Variants in LGR6 observed in about 807,000 individuals in gnomAD.
LGR6 encodes the protein leucine rich repeat containing G protein-coupled receptor 6, also known as leucine-rich repeat-containing G protein-coupled receptor 6.
In LGR6, 45 loss-of-function variants were observed where a neutral mutation model predicts 69.4. The ratio of observed to expected loss-of-function variants is 0.65; its 90% CI spans 0.51 to 0.83. The LOEUF (loss-of-function observed/expected upper bound fraction) is 0.83. Among genes scored for constraint, LGR6 ranks in the 40% least tolerant of loss-of-function variants. The probability of loss-of-function intolerance (pLI) is 0.00; values close to 1 mark genes in which losing one functional copy is unlikely to be tolerated. For missense variants in LGR6, 1,108 were observed against 1,246.7 expected (o/e 0.89, Z 1.68); for synonymous variants, 538 against 555.0 (o/e 0.97, Z 0.43).
Position 202,220,100 on chromosome 1 carries a change from G to C in LGR6, c.213-5323G>C, listed in dbSNP as rs185052202. Among the ~76,000 whole-genome samples the C allele has an allele frequency of 8.8e-4, 134 of 152,106 alleles. 1 individual carries two copies. Among genetic ancestry groups the C allele is most frequent in the Non-Finnish European group, 1.6e-3 (112 of 67,986 alleles). ...TCGCCATTTTGGCCAGGCTGGTCTC[G>C]AACTCCTGACCTCAGGTGATCCACC... is the stretch of plus-strand genomic sequence containing the variant. On this transcript the variant is annotated intron_variant, in intron 1 of 17. Transcript: ENST00000367278.
At chr1:202,311,505 C>A (rs146958529) in intron 16 of LGR6, among the ~76,000 whole-genome samples, 6 of 152,208 alleles carry the variant, frequency 3.9e-5, no homozygotes, top group African/African-American at 1.2e-4. Context: ...ACCAAAAATA[C>A]AAAAATTAGC....
In LGR6 at chr1:202,318,137, G is replaced by A; in HGVS notation, c.1834G>A (p.Gly612Ser). 1 of 1,614,128 alleles carries A rather than the reference G, an allele frequency of 6.2e-7. No homozygotes were observed. The highest frequency in any genetic ancestry group is 8.5e-7 in the Non-Finnish European group (1 of 1,180,034). Residue 612 changes from glycine to serine, a missense_variant, in exon 18 of 18, where the codon GGC (glycine) becomes AGC (serine). Physicochemically the swap from Gly to Ser is moderately conservative, Grantham distance 56 (BLOSUM62 0). Transcript: ENST00000367278. Reference protein sequence around the residue: ...GAIAGANTLTGISCGLLASVD... With the variant: ...GAIAGANTLTSISCGLLASVD... ...GATTGCAGGCGCCAACACCTTGACT[G>A]GCATTTCCTGTGGCCTTCTAGCCTC...
intron 1 of LGR6, among the ~76,000 whole-genome samples, chr1:202,215,780 T>G (rs1345669504): frequency 1.3e-5 from 2 of 152,154 alleles, no homozygotes; most frequent in African/African-American, 4.8e-5. Context: ...GACAGACAAC[T>G]GGGAGCTGTG....
chr1:202,235,944 G>A lies in LGR6; in HGVS notation c.379G>A (p.Gly127Arg), dbSNP rs1280951302. ...TAGGATGCTGCAGAACAATCAGCTG[G>A]GAGGAATCCCCGCAGAGGCGCTGTG... ...KILMLQNNQL[G>R]GIPAEALWEL... Residue 127 changes from glycine to arginine, a missense_variant, in exon 4 of 18, where the codon GGA becomes AGA. Gly to Arg is a moderately radical substitution (Grantham distance 125). Transcript: ENST00000367278. The A allele has an allele frequency of 1.2e-6, 2 of 1,614,068 alleles. No individual in the cohort carries two copies. Among genetic ancestry groups the A allele is most frequent in the South Asian group, 1.1e-5 (1 of 91,088 alleles).
chr1:202,239,905 T>C (rs1662029077), intron 4 of LGR6, among the ~76,000 whole-genome samples: 1 of 152,194 alleles, frequency 6.6e-6, no homozygotes, highest in Non-Finnish European at 1.5e-5. Flanking sequence ...TTAATATACA[T>C]AAAAGAATTA....
chr1:202,296,841 T>G (rs1667194209), intron 6 of LGR6, among the ~76,000 whole-genome samples: 1 of 152,248 alleles, frequency 6.6e-6, no homozygotes, highest in South Asian at 2.1e-4. Flanking sequence ...TCTAAAGGGT[T>G]GTACACATTT....
intron 4 of LGR6, among the ~76,000 whole-genome samples, chr1:202,261,417 C>A (rs570679843): frequency 6.6e-6 from 1 of 152,088 alleles, no homozygotes; most frequent in Admixed American, 6.5e-5. Context: ...ATGAACTCAT[C>A]ATTTTTTATG....
chr1:202,271,484 TGG>T (rs917578690), intron 4 of LGR6, among the ~76,000 whole-genome samples: 1 of 152,010 alleles, frequency 6.6e-6, no homozygotes, highest in Non-Finnish European at 1.5e-5. Flanking sequence ...CAGAGGTTCC[TGG>T]GGGCAGGGAG....
chr1:202,248,285 C>T lies in LGR6; in HGVS notation c.428+12292C>T, dbSNP rs189307932. Reference sequence around the variant, plus strand: ...AAGCAGTTGAAAGAGGAAGTTACTTCCCAGTGTCGCCCAGTGAATCAGTGG... The same window carrying T: ...AAGCAGTTGAAAGAGGAAGTTACTTTCCAGTGTCGCCCAGTGAATCAGTGG... On this transcript the variant is annotated intron_variant, in intron 4 of 17. Coordinates refer to ENST00000367278, the MANE Select transcript of LGR6 (RefSeq NM_001017403.2). Among the ~76,000 whole-genome samples, 163 of 152,332 alleles carry T rather than the reference C, an allele frequency of 1.1e-3. 1 individual carries two copies. Among genetic ancestry groups the T allele is most frequent in the African/African-American group, 3.6e-3 (148 of 41,588 alleles).
intron 1 of LGR6, among the ~76,000 whole-genome samples, chr1:202,224,503 T>G (rs970542976): frequency 6.6e-6 from 1 of 152,158 alleles, no homozygotes; most frequent in Non-Finnish European, 1.5e-5. Context: ...CCCTAACCTA[T>G]TTGGCACCAG....
Position 202,317,991 on chromosome 1 carries a change from G to A in LGR6, c.1688G>A (p.Gly563Asp), listed in dbSNP as rs1654279459. The change falls in exon 18 of 18, where the codon GGC becomes GAC. Residue 563 changes from glycine to aspartate, a missense_variant. Gly to Asp is a moderately conservative substitution (Grantham distance 94, BLOSUM62 -1). Transcript: ENST00000367278. Reference sequence around the variant, plus strand: ...TGTGAGTACCTCTTTGAAAGCTGGGGCATCCGCCTGGCCGTGTGGGCCATC... The same window carrying A: ...TGTGAGTACCTCTTTGAAAGCTGGGACATCCGCCTGGCCGTGTGGGCCATC... ...KPCEYLFESWGIRLAVWAIVL... is the reference protein window; with the variant it reads ...KPCEYLFESWDIRLAVWAIVL... The A allele has an allele frequency of 4.3e-6, 7 of 1,613,726 alleles. No individual in the cohort carries two copies. The highest frequency in any genetic ancestry group is 5.9e-6 in the Non-Finnish European group (7 of 1,179,802).
At chr1:202,228,050 G>A (rs201041378) in intron 3 of LGR6, 43 bp downstream of exon 3, 3 of 1,391,122 alleles carry the variant, frequency 2.2e-6, no homozygotes, top group Admixed American at 3.5e-5. Context: ...CTGCAGCACT[G>A]AGAATGGTGA....
intron 4 of LGR6, among the ~76,000 whole-genome samples, chr1:202,259,051 T>C (rs1664018799): frequency 1.3e-5 from 2 of 152,228 alleles, no homozygotes; most frequent in African/African-American, 4.8e-5. Flanking sequence ...TATGGTTATA[T>C]ATACTAAACC....
chr1:202,301,893 C>A (rs1258916767), intron 9 of LGR6, among the ~76,000 whole-genome samples: 1 of 152,100 alleles, frequency 6.6e-6, no homozygotes, highest in African/African-American at 2.4e-5. Flanking sequence ...GTGGTGGGCA[C>A]CTGTAATCCC....
intron 1 of LGR6, among the ~76,000 whole-genome samples, chr1:202,208,363 T>C (rs1328699060): frequency 1.3e-5 from 2 of 150,172 alleles, no homozygotes; most frequent in Non-Finnish European, 3.0e-5. Flanking sequence ...TGATGGTGTA[T>C]AAAGAAAGAT....
intron 1 of LGR6, among the ~76,000 whole-genome samples, chr1:202,221,169 T>C (rs1660130240): frequency 6.6e-6 from 1 of 152,100 alleles, no homozygotes; most frequent in South Asian, 2.1e-4. Context: ...TTTTTCACTG[T>C]TTCTTCTTCC....
chr1:202,314,891 G>T lies in LGR6; in HGVS notation c.1648+9G>T, dbSNP rs1232633640. ...GTGTAGCCCTACTCCAGGTGAGGTG[G>T]TGTCTGGGGAATGGGGACGAGGGGG... On this transcript the variant is annotated intron_variant, in intron 17 of 17. Coordinates refer to ENST00000367278, the MANE Select transcript of LGR6 (RefSeq NM_001017403.2). 1.9e-6 allele frequency: 3 copies of T among 1,609,076 alleles called. No homozygotes were observed. In the Admixed American group the frequency reaches 5.0e-5, roughly 27 times the overall value.
chr1:202,310,596 A>T (rs1051164095), intron 16 of LGR6, among the ~76,000 whole-genome samples: 1 of 152,100 alleles, frequency 6.6e-6, no homozygotes, highest in African/African-American at 2.4e-5. Context: ...GGCTGTGGCA[A>T]TGTCTCATCT....
Position 202,309,089 on chromosome 1 carries a change from C to A in LGR6, c.1319C>A (p.Ala440Asp). 1 of 1,614,136 alleles carries A rather than the reference C, an allele frequency of 6.2e-7. No individual in the cohort carries two copies. Among genetic ancestry groups the A allele is most frequent in the South Asian group, 1.1e-5 (1 of 91,078 alleles). Residue 440 changes from alanine (A) to aspartate (D), a missense_variant, in exon 15 of 18, where the codon GCT becomes GAT. Coordinates refer to ENST00000367278, the MANE Select transcript of LGR6 (RefSeq NM_001017403.2). ...AACCAGCTGACCACACTGCCCCTGG[C>A]TGGACTTGGGGGCTTGATGCATCTG... The part of the protein sequence containing the change: ...TDNQLTTLPL[A>D]GLGGLMHLKL...
Sources: allele counts gnomAD v4.1 joint callset (sites outside exome capture counted in the v4.1 genomes callset), GRCh38; gene constraint gnomAD v4.1.1; transcripts MANE v1.5; gene names NCBI Gene and HGNC (gene_info 2026-07-23, HGNC 2026-07-21).